The following ZNF571 variants were observed in gnomAD, a reference collection of about 807,000 sequenced individuals.
ZNF571 encodes the protein zinc finger protein 571.
ZNF571 carries 4 observed loss-of-function variants against 7.7 expected under a neutral mutation model. The ratio of observed to expected loss-of-function variants is 0.52; its 90% CI spans 0.25 to 1.18. ZNF571 has a LOEUF of 1.18. ZNF571 is among the 50% of genes most tolerant of loss of function. The pLI, the probability that ZNF571 is intolerant of heterozygous loss-of-function variation, is 0.14. For synonymous variants in ZNF571, 251 were observed against 232.4 expected, an observed-to-expected ratio of 1.08 and a Z score of -0.73; for missense variants, 704 against 726.9, an observed-to-expected ratio of 0.97 and a Z score of 0.36.
intron 2 of ZNF571, 85 bp from the exon 3 acceptor site, chr19:37,584,182 GAAGC>G: frequency 6.3e-7 from 1 of 1,590,516 alleles, no homozygotes; most frequent in Non-Finnish European, 8.6e-7. Flanking sequence ...GTAATTGAAG[GAAGC>G]AAGTAACACA....
chr19:37,564,880 T>C lies in ZNF571; in HGVS notation c.1548A>G (p.Gln516=), dbSNP rs748972572. The stretch of plus-strand genomic sequence containing the variant: ...TGTGAATTCTCTGATGTTCACTAAG[T>C]TGTGAGCCATAAATAAAGGCCTTGT... ...ECDKAFIYGS[Q]LSEHQRIHRG... The change falls in exon 4 of 4, where the codon CAA becomes CAG. Residue 516 remains glutamine, a synonymous_variant. Coordinates refer to ENST00000451802, the MANE Select transcript of ZNF571 (RefSeq NM_016536.5). 47 of 1,614,076 alleles carry C rather than the reference T, an allele frequency of 2.9e-5. No homozygotes were observed. Among genetic ancestry groups the C allele is most frequent in the Non-Finnish European group, 3.7e-5 (44 of 1,179,962 alleles).
At chr19:37,590,814 A>C (rs2043848294) in intron 1 of ZNF571, among the ~76,000 whole-genome samples, 1 of 152,210 alleles carries the variant, frequency 6.6e-6, no homozygotes, top group Admixed American at 6.5e-5. Context: ...TTAAGAGACT[A>C]AAGAGGCATA....
At chr19:37,582,769 G>C (rs1356311718) in intron 3 of ZNF571, among the ~76,000 whole-genome samples, 1 of 152,084 alleles carries the variant, frequency 6.6e-6, no homozygotes, top group Non-Finnish European at 1.5e-5. Flanking sequence ...AATATAGCCT[G>C]TTCTCATCAC....
chr19:37,593,058 T>G (rs1031017293), intron 1 of ZNF571, among the ~76,000 whole-genome samples: 8 of 152,080 alleles, frequency 5.3e-5, no homozygotes, highest in Admixed American at 1.3e-4. Context: ...TATACAAGAT[T>G]ATGAAATAAC....
intron 1 of ZNF571, among the ~76,000 whole-genome samples, chr19:37,593,689 C>A (rs550243695): frequency 6.6e-6 from 1 of 152,058 alleles, no homozygotes; most frequent in African/African-American, 2.4e-5. Flanking sequence ...GGCGACACAG[C>A]GAGAATCCGT....
chr19:37,587,168 G>A (rs1215763959), intron 1 of ZNF571: 3 of 153,674 alleles, frequency 2.0e-5, no homozygotes, highest in Non-Finnish European at 2.9e-5. Context: ...ATCCAAAACA[G>A]TCTCATCCCA....
intron 3 of ZNF571, among the ~76,000 whole-genome samples, chr19:37,574,894 C>T (rs1357991036): frequency 6.6e-6 from 1 of 152,184 alleles, no homozygotes; most frequent in Non-Finnish European, 1.5e-5. Context: ...CATGAGTCGG[C>T]CTTCATAACT....
intron 3 of ZNF571, among the ~76,000 whole-genome samples, chr19:37,568,343 C>T (rs898569946): frequency 6.9e-6 from 1 of 145,728 alleles, no homozygotes; most frequent in East Asian, 2.2e-4. Flanking sequence ...CATATACACA[C>T]CACAGCTCAG....
At chr19:37,590,361 G>T (rs995941004) in intron 1 of ZNF571, among the ~76,000 whole-genome samples, 17 of 152,078 alleles carry the variant, frequency 1.1e-4, no homozygotes, top group Non-Finnish European at 2.1e-4. Context: ...AGCTTGCAGT[G>T]AGCCAAGATC....
At chr19:37,591,174 A>T (rs1055706312) in intron 1 of ZNF571, among the ~76,000 whole-genome samples, 1 of 152,232 alleles carries the variant, frequency 6.6e-6, no homozygotes, top group Non-Finnish European at 1.5e-5. Flanking sequence ...ATGCCCAGAC[A>T]GTGGTCACTG....
rs541101215 is a variant in ZNF571, at chr19:37,569,015, C to A, written c.137-2724G>T. Among the ~76,000 whole-genome samples the A allele has an allele frequency of 4.6e-5, 7 of 151,588 alleles. No homozygotes were observed. Among genetic ancestry groups the A allele is most frequent in the Admixed American group, 4.6e-4 (7 of 15,218 alleles). ...TCTGTCATCCAGGCTGGAGTGCAGTCGTGCCATCTCAGCTCACTGCAACCT... is the reference window on the plus strand; with the variant it reads ...TCTGTCATCCAGGCTGGAGTGCAGTAGTGCCATCTCAGCTCACTGCAACCT... On this transcript the variant is annotated intron_variant, in intron 3 of 3. Transcript: ENST00000451802. The surrounding 1 kb of genome is among the most constrained non-coding windows in gnomAD (Gnocchi z 4.4).
intron 3 of ZNF571, among the ~76,000 whole-genome samples, chr19:37,575,113 A>G (rs539576440): frequency 8.5e-5 from 13 of 152,228 alleles, no homozygotes; most frequent in South Asian, 2.1e-4. Context: ...AGAGTTCTGA[A>G]GCTGATGTTC....
rs116064131 is a variant in ZNF571 at position 37,565,232 on chromosome 19, G to C, written c.1196C>G (p.Ala399Gly). Residue 399 changes from alanine to glycine, a missense_variant, in exon 4 of 4, where the codon GCC (alanine) becomes GGC (glycine). Coordinates refer to ENST00000451802, the MANE Select transcript of ZNF571 (RefSeq NM_016536.5). ...AATAAGATTAGAATTAGAAATAAAGGCTTTCCCACATTCTTTGCATTTATA... is the reference window on the plus strand; with the variant it reads ...AATAAGATTAGAATTAGAAATAAAGCCTTTCCCACATTCTTTGCATTTATA... ...RPYKCKECGK[A>G]FISNSNLIQH... is the part of the protein sequence containing the mutation. 1.2e-6 allele frequency: 2 copies of C among 1,613,188 alleles called. No individual in the cohort carries two copies. Among genetic ancestry groups the C allele is most frequent in the Non-Finnish European group, 1.7e-6 (2 of 1,179,742 alleles).
In ZNF571 at chr19:37,564,808, A is replaced by T; in HGVS notation, c.1620T>A (p.Ile540=). ...GATGTTCAGTAAGGTGTGAGCCACGAATAAAAGCCTTCCCACACTGTTTAC... is the reference window on the plus strand; with the variant it reads ...GATGTTCAGTAAGGTGTGAGCCACGTATAAAAGCCTTCCCACACTGTTTAC... ...YECKQCGKAF[I]RGSHLTEHLR... The change falls in exon 4 of 4, where the codon ATT becomes ATA. Residue 540 remains isoleucine, a synonymous_variant. Transcript: ENST00000451802. 3.1e-6 allele frequency: 5 copies of T among 1,613,956 alleles called. No individual in the cohort carries two copies. The highest frequency in any genetic ancestry group is 3.4e-6 in the Non-Finnish European group (4 of 1,179,938).
At chr19:37,568,857 T>C (rs2147158964) in intron 3 of ZNF571, among the ~76,000 whole-genome samples, 1 of 152,290 alleles carries the variant, frequency 6.6e-6, no homozygotes, top group East Asian at 1.9e-4. Flanking sequence ...AGGTTTCTTT[T>C]ATTCTTGCCC....
At chr19:37,590,047 TAATTA>T (rs907365630) in intron 1 of ZNF571, among the ~76,000 whole-genome samples, 1 of 151,834 alleles carries the variant, frequency 6.6e-6, no homozygotes, top group African/African-American at 2.4e-5. Flanking sequence ...AGAGATGATT[TAATTA>T]AATTAAATGT....
At chr19:37,577,739 C>A (rs1359431754) in intron 3 of ZNF571, among the ~76,000 whole-genome samples, 2 of 152,162 alleles carry the variant, frequency 1.3e-5, no homozygotes, top group Non-Finnish European at 2.9e-5. Flanking sequence ...AAATTTTAAT[C>A]AATGTAAATT....
chr19:37,588,099 C>CAAAAAAAAAAA (rs58516591), intron 1 of ZNF571, among the ~76,000 whole-genome samples: 6 of 45,740 alleles, frequency 1.3e-4, no homozygotes, highest in African/African-American at 2.6e-4. Context: ...GACTCCATCT[C>CAAAAAAAAAAA]AAAAAAAAAA....
intron 3 of ZNF571, chr19:37,575,443 A>T (rs1394208451): frequency 1.3e-5 from 2 of 152,244 alleles, no homozygotes. Context: ...ATAGGACATG[A>T]AATTATTGAT....
Sources: gnomAD v4.1 joint callset for allele counts (sites outside exome capture counted in the v4.1 genomes callset) on GRCh38, gnomAD v4.1.1 for gene constraint, Gnocchi (gnomAD v3.1) non-coding constraint, MANE v1.5 for transcripts, NCBI Gene and HGNC (gene_info 2026-07-23, HGNC 2026-07-21) for gene names.